Variants in NCOA7 observed in about 807,000 individuals in gnomAD.
NCOA7 encodes 140 kDa estrogen receptor-associated protein.
NCOA7 carries 45 observed loss-of-function variants against 104.3 expected under a neutral mutation model. The ratio of observed to expected loss-of-function variants is 0.43; its 90% CI spans 0.34 to 0.55. The LOEUF (loss-of-function observed/expected upper bound fraction) is 0.55, where lower values mean the gene tolerates loss of function less well. NCOA7 is among the 20% of genes least tolerant of loss of function. NCOA7 has a pLI of 0.02. For missense variants in NCOA7, 1,041 were observed against 1,119.7 expected (o/e 0.93, Z 1.00); for synonymous variants, 398 against 402.3 (o/e 0.99, Z 0.13).
intron 1 of NCOA7, among the ~76,000 whole-genome samples, chr6:125,812,402 T>A (rs954735756): frequency 2.0e-5 from 3 of 152,228 alleles, no homozygotes; most frequent in Admixed American, 6.5e-5. Context: ...TTTAGTTATC[T>A]GCACAGTCAT....
chr6:125,920,857 A>AG (rs112291106), intron 11 of NCOA7, 86 bp from the exon 12 acceptor site: 1 of 1,509,498 alleles, frequency 6.6e-7, no homozygotes, highest in Non-Finnish European at 8.9e-7. Context: ...CTTTTCAAGC[A>AG]CGGGTGTCCC....
intron 3 of NCOA7, among the ~76,000 whole-genome samples, chr6:125,872,805 C>G (rs1783044513): frequency 6.6e-6 from 1 of 152,178 alleles, no homozygotes; most frequent in Non-Finnish European, 1.5e-5. Context: ...ATCTGGAGAT[C>G]TAAAAACATA....
chr6:125,918,189 A>G (rs1457512100), intron 11 of NCOA7, among the ~76,000 whole-genome samples: 1 of 152,168 alleles, frequency 6.6e-6, no homozygotes, highest in Non-Finnish European at 1.5e-5. Context: ...ATCACATGGA[A>G]TGGCACCCAT....
intron 10 of NCOA7, among the ~76,000 whole-genome samples, chr6:125,910,754 A>G (rs1430858869): frequency 6.6e-6 from 1 of 152,198 alleles, no homozygotes; most frequent in Non-Finnish European, 1.5e-5. Flanking sequence ...GTCACATGCA[A>G]ATTTAATTCA....
chr6:125,890,066 A>G, intron 9 of NCOA7, 85 bp downstream of exon 9: 3 of 1,013,506 alleles, frequency 3.0e-6, no homozygotes, highest in Non-Finnish European at 4.1e-6. Context: ...ACATTAGTAC[A>G]TTTATTTGAA....
intron 1 of NCOA7, among the ~76,000 whole-genome samples, chr6:125,799,443 CT>C (rs35143077): frequency 0.6 from 82,824 of 137,838 alleles, 25,487 homozygotes; most frequent in East Asian, 0.83. Flanking sequence ...CTTAGTTGTT[CT>C]TTTTTTTTTT....
At chr6:125,870,812 G>A (rs1458708461) in intron 3 of NCOA7, among the ~76,000 whole-genome samples, 1 of 152,198 alleles carries the variant, frequency 6.6e-6, no homozygotes, top group Non-Finnish European at 1.5e-5. Context: ...GGTGTGGCAA[G>A]GGAGGTGGCA....
intron 3 of NCOA7, among the ~76,000 whole-genome samples, chr6:125,870,577 A>AT (rs1782806270): frequency 6.6e-6 from 1 of 151,996 alleles, no homozygotes; most frequent in Non-Finnish European, 1.5e-5. Context: ...CATTCTCTTG[A>AT]TGTCATAGCT....
intron 2 of NCOA7, among the ~76,000 whole-genome samples, chr6:125,848,918 CTGTT>C (rs746832762): frequency 1.3e-5 from 2 of 152,134 alleles, no homozygotes; most frequent in African/African-American, 4.8e-5. Flanking sequence ...TGTGAAATGG[CTGTT>C]TGTAGAAGAG....
At chr6:125,928,135 T>C in intron 14 of NCOA7, 39 bp from the exon 15 acceptor site, 1 of 1,540,106 alleles carries the variant, frequency 6.5e-7, no homozygotes, top group Non-Finnish European at 8.9e-7. Flanking sequence ...ATTCTCCAGA[T>C]TAAAATGTCT....
chr6:125,829,801 A>G (rs754454022), intron 2 of NCOA7, among the ~76,000 whole-genome samples: 8 of 152,248 alleles, frequency 5.3e-5, no homozygotes, highest in African/African-American at 1.7e-4. Context: ...ATGCCCTGGA[A>G]TCCTAGAAGA....
At chr6:125,885,476 G>A in intron 8 of NCOA7, 133 bp downstream of exon 8, 2 of 701,714 alleles carry the variant, frequency 2.9e-6, no homozygotes, top group Non-Finnish European at 4.5e-6. Context: ...GTGCACTGAA[G>A]AAAATGAGAA....
rs146470413 is a variant in NCOA7, at chr6:125,889,515, T to G, written c.1461T>G (p.Cys487Trp). ...AGGGGGCGCTAGATTTAGAAACCTG[T>G]GAGAAGCAAGATATAATGCCAGAAG... ...ELKGALDLET[C>W]EKQDIMPEVD... Residue 487 changes from cysteine to tryptophan, a missense_variant, in exon 9 of 16, where the codon TGT becomes TGG. By Grantham distance (215) the Cys-to-Trp change is radical (BLOSUM62 -2). Around this residue, in one of 2 missense-constraint regions of NCOA7, gnomAD observed 914 missense variants for 942.7 expected, o/e 0.97. Coordinates refer to ENST00000392477, the MANE Select transcript of NCOA7 (RefSeq NM_181782.5). 6.8e-6 allele frequency: 11 copies of G among 1,613,912 alleles called. No individual in the cohort carries two copies. The highest frequency in any genetic ancestry group is 9.3e-6 in the Non-Finnish European group (11 of 1,180,004).
intron 15 of NCOA7, 37 bp from the exon 16 acceptor site, chr6:125,928,586 ATGTAACATAGAAG>A: frequency 1.3e-6 from 2 of 1,566,254 alleles, no homozygotes. Context: ...ATAGTGTGTC[ATGTAACATAGAAG>A]TGTTTTTACC....
chr6:125,815,427 T>A (rs1777497936), intron 2 of NCOA7, 23 bp downstream of exon 2: 1 of 1,596,070 alleles, frequency 6.3e-7, no homozygotes, highest in South Asian at 1.1e-5. Flanking sequence ...TTTACAAAAT[T>A]GTTATCAGTA....
intron 14 of NCOA7, 76 bp downstream of exon 14, chr6:125,927,834 C>T (rs1338232811): frequency 1.7e-6 from 2 of 1,209,052 alleles, no homozygotes; most frequent in African/African-American, 1.5e-5. Context: ...GGCATTGGGG[C>T]AGCTAGCTGT....
At chr6:125,809,454 A>C (rs1776765258) in intron 1 of NCOA7, among the ~76,000 whole-genome samples, 2 of 152,144 alleles carry the variant, frequency 1.3e-5, no homozygotes, top group African/African-American at 4.8e-5. Context: ...AAGTGCTGGG[A>C]ATATAGGCAT....
chr6:125,803,261 G>A (rs1666648820), intron 1 of NCOA7, among the ~76,000 whole-genome samples: 1 of 152,144 alleles, frequency 6.6e-6, no homozygotes, highest in Non-Finnish European at 1.5e-5. Flanking sequence ...CTTCCCATTA[G>A]CACTTCCTCT....
At chr6:125,848,522 CCATCATTCT>C (rs1323172926) in intron 2 of NCOA7, among the ~76,000 whole-genome samples, 1 of 152,084 alleles carries the variant, frequency 6.6e-6, no homozygotes. Context: ...AAGCTGGAAA[CCATCATTCT>C]CAGCAAACTA....
Sources: allele counts gnomAD v4.1 joint callset (sites outside exome capture counted in the v4.1 genomes callset), GRCh38; gene constraint gnomAD v4.1.1; regional missense constraint gnomAD v4.1.1; transcripts MANE v1.5; gene names NCBI Gene and HGNC (gene_info 2026-07-23, HGNC 2026-07-21).